SLC23A2: variants seen among roughly 807,000 people sequenced by gnomAD.
The protein encoded by SLC23A2 is Na(+)/L-ascorbic acid transporter 2.
Under a neutral mutation model 73.3 loss-of-function variants are expected in SLC23A2, and 36 were observed. The ratio of observed to expected loss-of-function variants is 0.49; its 90% confidence interval spans 0.38 to 0.65. The LOEUF (loss-of-function observed/expected upper bound fraction) is 0.65, where lower values mean the gene tolerates loss of function less well. Among genes scored for constraint, SLC23A2 ranks in the 30% least tolerant of loss-of-function variants. The pLI is 0.00. For missense variants in SLC23A2, 507 were observed against 841.6 expected, an observed-to-expected ratio of 0.60 and a Z score of 4.92; for synonymous variants, 343 against 327.3, an observed-to-expected ratio of 1.05 and a Z score of -0.52.
chr20:4,881,593 T>A (rs1194724938), intron 9 of SLC23A2, among the ~76,000 whole-genome samples: 1 of 152,238 alleles, frequency 6.6e-6, no homozygotes, highest in East Asian at 1.9e-4. Context: ...ACATTGGGTT[T>A]TGTTTCCCCC....
intron 6 of SLC23A2, among the ~76,000 whole-genome samples, chr20:4,887,843 G>A (rs533333371): frequency 6.6e-6 from 1 of 152,332 alleles, no homozygotes; most frequent in African/African-American, 2.4e-5. Flanking sequence ...TCTGTCACTG[G>A]CTTGACTGAA....
At chr20:5,001,107 C>T (rs563977581) in intron 1 of SLC23A2, among the ~76,000 whole-genome samples, 4 of 151,896 alleles carry the variant, frequency 2.6e-5, no homozygotes, top group African/African-American at 9.7e-5. Context: ...AGGGCCCGAG[C>T]GCGCTGTGGC....
chr20:4,964,832 C>CAA (rs10639211), intron 2 of SLC23A2, among the ~76,000 whole-genome samples: 27,753 of 88,146 alleles, frequency 0.31, 3,590 homozygotes, highest in African/African-American at 0.35. Context: ...GACTCTGTCT[C>CAA]AAAAAAAAAA....
chr20:4,862,046 A>G lies in SLC23A2; in HGVS notation c.1526T>C (p.Ile509Thr), dbSNP rs886455107. The G allele has an allele frequency of 1.2e-6, 2 of 1,614,196 alleles. No homozygotes were observed. The highest frequency in any genetic ancestry group is 1.7e-6 in the Non-Finnish European group (2 of 1,179,984). ...GAGGTTCCGGGAAGAATTTAAATCAATGAACTGCAGGTTAGAGAGGCCAAC... is the reference window on the plus strand; with the variant it reads ...GAGGTTCCGGGAAGAATTTAAATCAGTGAACTGCAGGTTAGAGAGGCCAAC... ...TAVGLSNLQFIDLNSSRNLFV... is the reference protein window; with the variant it reads ...TAVGLSNLQFTDLNSSRNLFV... Residue 509 changes from isoleucine (I) to threonine (T), a missense_variant, in exon 15 of 17, where the codon ATT becomes ACT. Physicochemically the swap from Ile to Thr is moderately conservative, Grantham distance 89 (BLOSUM62 -1). Transcript: ENST00000338244. This position sits in a 1 kb window ranked among gnomAD's most constrained non-coding sequence, Gnocchi z 5.1.
In SLC23A2 at chr20:4,902,544, C is replaced by G. The variant is rs1242261019; in HGVS notation, c.222G>C (p.Glu74Asp). The G allele has an allele frequency of 6.2e-7, 1 of 1,606,554 alleles. No homozygotes were observed. Among genetic ancestry groups the G allele is most frequent in the South Asian group, 1.1e-5 (1 of 90,290 alleles). ...NGIAEKSSLA[E>D]TLDSTGSLDP... is the part of the protein sequence containing the mutation. ...CCAGACTGCCAGTGCTATCCAGGGTCTCAGCGAGAGAGCTCTGCGAGCCAG... is the reference window on the plus strand; with the variant it reads ...CCAGACTGCCAGTGCTATCCAGGGTGTCAGCGAGAGAGCTCTGCGAGCCAG... Residue 74 changes from glutamate (E) to aspartate (D), a missense_variant, in exon 5 of 17, where the codon GAG becomes GAC. This residue lies in a region of SLC23A2 where 78 missense variants were observed against 86.7 expected (regional missense o/e 0.90). Transcript: ENST00000338244. The surrounding 1 kb of genome is among the most constrained non-coding windows in gnomAD (Gnocchi z 4.0).
Position 4,865,881 on chromosome 20 carries a change from G to A in SLC23A2, c.1356+1889C>T, listed in dbSNP as rs186530328. Among the ~76,000 whole-genome samples the A allele has an allele frequency of 2.0e-5, 3 of 151,968 alleles. 1 individual carries two copies. Among genetic ancestry groups the A allele is most frequent in the Admixed American group, 2.0e-4 (3 of 15,240 alleles). On this transcript the variant is annotated intron_variant, in intron 13 of 16. Coordinates refer to ENST00000338244, the MANE Select transcript of SLC23A2 (RefSeq NM_005116.6). ...AGAGTCTCGCTCTGTCACCCAGGCT[G>A]GAGTGCAGTGGCATGATCTCAGCTC...
At chr20:4,865,598 G>T (rs1388323726) in intron 13 of SLC23A2, among the ~76,000 whole-genome samples, 1 of 152,094 alleles carries the variant, frequency 6.6e-6, no homozygotes, top group South Asian at 2.1e-4. Context: ...GTGTTTTAAA[G>T]GGGTGCAGAA....
intron 2 of SLC23A2, among the ~76,000 whole-genome samples, chr20:4,955,349 G>T (rs2087267060): frequency 7.6e-6 from 1 of 132,300 alleles, no homozygotes; most frequent in African/African-American, 2.7e-5. Context: ...CCCAGAAAAT[G>T]AGTTAAAACA....
At chr20:4,896,750 C>T (rs973268370) in intron 6 of SLC23A2, among the ~76,000 whole-genome samples, 1 of 152,204 alleles carries the variant, frequency 6.6e-6, no homozygotes, top group African/African-American at 2.4e-5. Flanking sequence ...GTCCTCACCC[C>T]CTATACTAAG....
chr20:4,994,895 T>C (rs1390481632), intron 1 of SLC23A2, among the ~76,000 whole-genome samples: 1 of 151,348 alleles, frequency 6.6e-6, no homozygotes, highest in African/African-American at 2.4e-5. Context: ...GATCGCACCA[T>C]TGCACTCTAG....
intron 4 of SLC23A2, among the ~76,000 whole-genome samples, chr20:4,904,946 T>C (rs1396494618): frequency 6.6e-6 from 1 of 151,912 alleles, no homozygotes; most frequent in East Asian, 1.9e-4. Flanking sequence ...AAACCCTGTC[T>C]CTACTAAAAA....
chr20:4,959,826 T>C (rs1382887859), intron 2 of SLC23A2, among the ~76,000 whole-genome samples: 1 of 152,000 alleles, frequency 6.6e-6, no homozygotes, highest in African/African-American at 2.4e-5. Context: ...CTCTGTCACG[T>C]AGGCAGGATT....
intron 1 of SLC23A2, among the ~76,000 whole-genome samples, chr20:4,983,364 A>T (rs1207142474): frequency 6.6e-6 from 1 of 151,766 alleles, no homozygotes; most frequent in Non-Finnish European, 1.5e-5. Flanking sequence ...AGACACAAGC[A>T]GGCTGGGCGC....
At chr20:4,978,283 T>C (rs945011503) in intron 1 of SLC23A2, among the ~76,000 whole-genome samples, 2 of 152,220 alleles carry the variant, frequency 1.3e-5, no homozygotes, top group South Asian at 2.1e-4. Context: ...CTTCATAAAC[T>C]GTGCCTTTGC....
chr20:4,938,547 G>A (rs747894149), intron 2 of SLC23A2, among the ~76,000 whole-genome samples: 31 of 151,862 alleles, frequency 2.0e-4, no homozygotes, highest in Non-Finnish European at 2.9e-4. Context: ...GGCTGGTCTC[G>A]AACTCCCGAC....
chr20:4,933,034 T>TA (rs1438193072), intron 2 of SLC23A2, among the ~76,000 whole-genome samples: 1 of 152,178 alleles, frequency 6.6e-6, no homozygotes, highest in African/African-American at 2.4e-5. Flanking sequence ...CAGCACTACC[T>TA]AATAGAACTT....
At chr20:4,953,873 A>C (rs546396788) in intron 2 of SLC23A2, among the ~76,000 whole-genome samples, 10 of 152,176 alleles carry the variant, frequency 6.6e-5, no homozygotes, top group Non-Finnish European at 8.8e-5. Flanking sequence ...TCAGCGACAG[A>C]CAGAGACTGT....
At chr20:4,968,684 G>C (rs763584365) in intron 2 of SLC23A2, among the ~76,000 whole-genome samples, 21 of 151,750 alleles carry the variant, frequency 1.4e-4, no homozygotes, top group Non-Finnish European at 2.5e-4. Flanking sequence ...AAACAGGCTT[G>C]ACAAGGTAAA....
intron 3 of SLC23A2, among the ~76,000 whole-genome samples, chr20:4,930,491 T>C (rs921799301): frequency 6.6e-6 from 1 of 152,162 alleles, no homozygotes; most frequent in Admixed American, 6.5e-5. Context: ...ACGAATAAAG[T>C]GTGAACGAAA....
Sources: allele counts gnomAD v4.1 joint callset (sites outside exome capture counted in the v4.1 genomes callset), GRCh38; gene constraint gnomAD v4.1.1; regional missense constraint gnomAD v4.1.1; non-coding constraint Gnocchi (gnomAD v3.1); transcripts MANE v1.5; gene names NCBI Gene and HGNC (gene_info 2026-07-23, HGNC 2026-07-21).